Variants in PRELID3B observed in about 807,000 individuals in gnomAD.
The protein encoded by PRELID3B is PRELI domain containing protein 3B.
A neutral mutation model predicts 24.0 loss-of-function variants in PRELID3B; 15 were observed. The ratio of observed to expected loss-of-function variants is 0.63; its 90% CI spans 0.42 to 0.96. The LOEUF (loss-of-function observed/expected upper bound fraction) is 0.96. PRELID3B is among the 40% of genes least tolerant of loss of function. The probability of loss-of-function intolerance (pLI) is 0.00; values close to 1 mark genes in which losing one functional copy is unlikely to be tolerated. For missense variants in PRELID3B, 189 were observed against 236.0 expected (o/e 0.80, Z 1.30); for synonymous variants, 62 against 76.0 (o/e 0.82, Z 0.96).
At position 59,034,153 on chromosome 20, in the gene PRELID3B, T is replaced by C. The variant is rs1185359139; in HGVS notation, c.*854A>G. Reference sequence around the variant, plus strand: ...AATTATATTCAAATAACCTGACATATCATGCCTTAGCAATTACAAAACCAT... The same window carrying C: ...AATTATATTCAAATAACCTGACATACCATGCCTTAGCAATTACAAAACCAT... On this transcript the variant is annotated 3_prime_UTR_variant, in exon 6 of 6. Transcript: ENST00000355937. The C allele has an allele frequency of 1.3e-5, 2 of 152,238 alleles. No individual in the cohort carries two copies. The highest frequency in any genetic ancestry group is 4.8e-5 in the African/African-American group (2 of 41,454). The allele number at this position is 152,238 out of a possible 1,614,324, so 9.4% of individuals were successfully genotyped here.
rs2092102508 is a variant in PRELID3B at position 59,040,397 on chromosome 20, T to C, written c.33-1763A>G. On this transcript the variant is annotated intron_variant, in intron 1 of 5. Transcript: ENST00000355937. The surrounding 1 kb of genome is among the most constrained non-coding windows in gnomAD (Gnocchi z 4.1). ...ATGGCTCACTGACCGGTCCAACTTC[T>C]TCACCTTTGAAACGAGGTGAGGACA... Among the ~76,000 whole-genome samples the C allele has an allele frequency of 6.6e-6, 1 of 152,204 alleles. No individual in the cohort carries two copies. Among genetic ancestry groups the C allele is most frequent in the African/African-American group, 2.4e-5 (1 of 41,448 alleles).
Position 59,033,246 on chromosome 20 carries a change from T to C in PRELID3B, c.*1761A>G, listed in dbSNP as rs918719653. 3.3e-5 allele frequency: 5 copies of C among 152,248 alleles called. No homozygotes were observed. Among genetic ancestry groups the C allele is most frequent in the African/African-American group, 1.2e-4 (5 of 41,466 alleles). The allele number at this position is 152,248 out of a possible 1,614,324, so 9.4% of individuals were successfully genotyped here. Reference sequence around the variant, plus strand: ...TCATTTATGAACACTTATTCCAGTTTAGTTCTCTTAAATTCATTTGCTTGT... The same window carrying C: ...TCATTTATGAACACTTATTCCAGTTCAGTTCTCTTAAATTCATTTGCTTGT... On this transcript the variant is annotated 3_prime_UTR_variant, in exon 6 of 6. Coordinates refer to ENST00000355937, the MANE Select transcript of PRELID3B (RefSeq NM_016045.3).
Position 59,040,947 on chromosome 20 carries a change from T to G in PRELID3B, c.32+1752A>C, listed in dbSNP as rs991531734. On this transcript the variant is annotated intron_variant, in intron 1 of 5. Transcript: ENST00000355937. This position sits in a 1 kb window ranked among gnomAD's most constrained non-coding sequence, Gnocchi z 4.1. ...GACGAAAAGAGAAACAAAAAAGAAA[T>G]TAAGATCACAGGTAAAATCCAATAT... Among the ~76,000 whole-genome samples the G allele has an allele frequency of 2.0e-5, 3 of 151,748 alleles. No individual in the cohort carries two copies. The highest frequency in any genetic ancestry group is 4.4e-5 in the Non-Finnish European group (3 of 67,944).
At chr20:59,036,441 GAAT>G (rs1375511953) in intron 5 of PRELID3B, 27 bp downstream of exon 5, 4 of 1,515,166 alleles carry the variant, frequency 2.6e-6, no homozygotes, top group Non-Finnish European at 1.8e-6. Context: ...ATGAACCAGG[GAAT>G]AATAACCAAG....
chr20:59,041,596 G>C (rs2092110656), intron 1 of PRELID3B, among the ~76,000 whole-genome samples: 1 of 151,988 alleles, frequency 6.6e-6, no homozygotes, highest in African/African-American at 2.4e-5. Context: ...TTAGCCGGGC[G>C]CGGTGGTGGG....
In PRELID3B at chr20:59,034,859, G is replaced by T; in HGVS notation, c.*148C>A. 3 of 573,260 alleles carry T rather than the reference G, an allele frequency of 5.2e-6. No homozygotes were observed. The highest frequency in any genetic ancestry group is 5.0e-5 in the South Asian group (1 of 19,932). 35.5% of individuals were successfully genotyped at this position (573,260 alleles called of 1,614,324 possible). On this transcript the variant is annotated 3_prime_UTR_variant, in exon 6 of 6. Transcript: ENST00000355937. ...TATTTAGAGGCCCTGCATCTGTTTT[G>T]ATCAAGTCACATAGCCTTACACCAA...
intron 1 of PRELID3B, among the ~76,000 whole-genome samples, chr20:59,041,053 G>A (rs890773687): frequency 3.3e-5 from 5 of 152,208 alleles, no homozygotes; most frequent in African/African-American, 1.2e-4. Context: ...AAGGCAGAAA[G>A]AGTGTAGAGG....
At position 59,035,004 on chromosome 20, in the gene PRELID3B, C is replaced by A. The variant is rs151358; in HGVS notation, c.*3G>T. 0.22 allele frequency: 346,986 copies of A among 1,609,200 alleles called. 38,242 individuals are homozygous for A. Among genetic ancestry groups the A allele is most frequent in the Middle Eastern group, 0.23 (1,368 of 5,978 alleles). ...ACCCGATGTTGTCTACCAACTGTCA[C>A]GATCACTTCTCTGCAAACGCTGCTG... On this transcript the variant is annotated 3_prime_UTR_variant, in exon 6 of 6. Transcript: ENST00000355937.
Position 59,034,909 on chromosome 20 carries a change from ACTACCC to A in PRELID3B, c.*92_*97del. The stretch of plus-strand genomic sequence containing the variant: ...ACTTATCAAAAAAAAAAAAAAAAAA[ACTACCC>A]AAAATATAGTTGTATTTTTAAAATA... On this transcript the variant is annotated 3_prime_UTR_variant, in exon 6 of 6. Transcript: ENST00000355937. 29 of 1,086,948 alleles carry A rather than the reference ACTACCC, an allele frequency of 2.7e-5. No individual in the cohort carries two copies. The highest frequency in any genetic ancestry group is 1.9e-4 in the South Asian group (7 of 37,604). The allele number at this position is 1,086,948 out of a possible 1,614,324, so 67.3% of individuals were successfully genotyped here.
In PRELID3B at chr20:59,040,386, G is replaced by A. The variant is rs1256144810; in HGVS notation, c.33-1752C>T. Among the ~76,000 whole-genome samples, 1 of 152,178 alleles carries A rather than the reference G, an allele frequency of 6.6e-6. No homozygotes were observed. Among genetic ancestry groups the A allele is most frequent in the Non-Finnish European group, 1.5e-5 (1 of 68,032 alleles). On this transcript the variant is annotated intron_variant, in intron 1 of 5. Coordinates refer to ENST00000355937, the MANE Select transcript of PRELID3B (RefSeq NM_016045.3). This position sits in a 1 kb window ranked among gnomAD's most constrained non-coding sequence, Gnocchi z 4.1. ...AGGACCTGGCTATGGCTCACTGACC[G>A]GTCCAACTTCTTCACCTTTGAAACG... is the stretch of plus-strand genomic sequence containing the variant.
intron 5 of PRELID3B, 80 bp downstream of exon 5, chr20:59,036,391 G>A: frequency 9.3e-7 from 1 of 1,072,324 alleles, no homozygotes; most frequent in South Asian, 1.3e-5. Flanking sequence ...CAGCTTACAA[G>A]GACACACATG....
chr20:59,037,153 GAC>G, intron 3 of PRELID3B, 36 bp downstream of exon 3: 1 of 1,478,534 alleles, frequency 6.8e-7, no homozygotes. Context: ...AACTCAGCCA[GAC>G]AGTTCGAAAT....
chr20:59,042,632 T>G, intron 1 of PRELID3B, 67 bp downstream of exon 1: 1 of 1,539,878 alleles, frequency 6.5e-7, no homozygotes, highest in East Asian at 2.4e-5. Flanking sequence ...GGGCCGCCTC[T>G]GCCTCGCCTC....
At chr20:59,035,327 C>T (rs1283449804) in intron 5 of PRELID3B, among the ~76,000 whole-genome samples, 1 of 152,186 alleles carries the variant, frequency 6.6e-6, no homozygotes, top group Non-Finnish European at 1.5e-5. Flanking sequence ...CATAAACTGA[C>T]TTTTACTTTG....
intron 5 of PRELID3B, 134 bp from the exon 6 acceptor site, chr20:59,035,260 T>C: frequency 1.3e-6 from 1 of 746,858 alleles, no homozygotes; most frequent in Non-Finnish European, 2.1e-6. Context: ...GTTTTTGTCC[T>C]GGCTTTTTCT....
intron 1 of PRELID3B, among the ~76,000 whole-genome samples, chr20:59,041,967 C>A (rs2092113388): frequency 6.6e-6 from 1 of 152,214 alleles, no homozygotes; most frequent in Non-Finnish European, 1.5e-5. Flanking sequence ...CCACATCCAA[C>A]TGGTTCAAGG....
chr20:59,037,059 G>T, intron 3 of PRELID3B, 132 bp downstream of exon 3: 2 of 719,900 alleles, frequency 2.8e-6, no homozygotes, highest in Non-Finnish European at 2.4e-6. Context: ...CCAGGGCCAA[G>T]TTAGGCCAGC....
chr20:59,040,404 T>C lies in PRELID3B; in HGVS notation c.33-1770A>G, dbSNP rs1325721749. Among the ~76,000 whole-genome samples the C allele has an allele frequency of 6.6e-6, 1 of 152,182 alleles. No homozygotes were observed. Among genetic ancestry groups the C allele is most frequent in the African/African-American group, 2.4e-5 (1 of 41,444 alleles). On this transcript the variant is annotated intron_variant, in intron 1 of 5. Transcript: ENST00000355937. The surrounding 1 kb of genome is among the most constrained non-coding windows in gnomAD (Gnocchi z 4.1). The stretch of plus-strand genomic sequence containing the variant: ...ACTGACCGGTCCAACTTCTTCACCT[T>C]TGAAACGAGGTGAGGACATTATTAA...
At position 59,037,212 on chromosome 20, in the gene PRELID3B, T is replaced by G; in HGVS notation, c.270A>C (p.Thr90=). The G allele has an allele frequency of 6.2e-7, 1 of 1,613,622 alleles. No individual in the cohort carries two copies. ...EHSVVDPVEK[T]MELKSTNISF... ...TTACATTAGTAGATTTAAGTTCCAT[T>G]GTTTTCTCTACAGGATCAACTACAG... The change falls in exon 3 of 6, where the codon ACA becomes ACC. Residue 90 remains threonine (T), a synonymous_variant. Transcript: ENST00000355937.
Sources: gnomAD v4.1 joint callset for allele counts (sites outside exome capture counted in the v4.1 genomes callset) on GRCh38, gnomAD v4.1.1 for gene constraint, Gnocchi (gnomAD v3.1) non-coding constraint, MANE v1.5 for transcripts, NCBI Gene and HGNC (gene_info 2026-07-23, HGNC 2026-07-21) for gene names.